The following GLT8D1 variants were observed in gnomAD, a reference collection of about 807,000 sequenced individuals.
GLT8D1 encodes the protein glycosyltransferase 8 domain containing 1.
GLT8D1 carries 41 observed loss-of-function variants against 46.2 expected under a neutral mutation model. That is an observed-to-expected ratio of 0.89 (90% CI 0.69 to 1.15). The LOEUF (loss-of-function observed/expected upper bound fraction) is 1.15. Ranked by LOEUF, GLT8D1 falls within the 50% of genes most tolerant of loss-of-function variation. The pLI, the probability that GLT8D1 is intolerant of heterozygous loss-of-function variation, is 0.00. For missense variants in GLT8D1, 408 were observed against 449.3 expected (o/e 0.91, Z 0.83); for synonymous variants, 150 against 154.2 (o/e 0.97, Z 0.20).
chr3:52,695,077 G>C (rs755036456), intron 9 of GLT8D1, 42 bp from the exon 10 acceptor site: 13 of 1,513,866 alleles, frequency 8.6e-6, no homozygotes, highest in South Asian at 5.6e-5. Flanking sequence ...TGCGCCATGT[G>C]AAATTGTGCA....
At chr3:52,701,236 GAAT>G (rs1336260849) in intron 1 of GLT8D1, 1 of 148,564 alleles carries the variant, frequency 6.7e-6, no homozygotes, top group Non-Finnish European at 1.5e-5. Context: ...TCAGAGAAAA[GAAT>G]ATTATCCAAA....
At chr3:52,696,433 C>T in intron 5 of GLT8D1, 109 bp downstream of exon 5, 1 of 1,010,370 alleles carries the variant, frequency 9.9e-7, no homozygotes, top group Non-Finnish European at 1.6e-6. Flanking sequence ...ACTCTTAGAA[C>T]CACCCAGGCT....
At chr3:52,698,245 AAG>A (rs1170318051) in intron 3 of GLT8D1, among the ~76,000 whole-genome samples, 1 of 152,220 alleles carries the variant, frequency 6.6e-6, no homozygotes, top group Non-Finnish European at 1.5e-5. Flanking sequence ...ATATAATCAA[AAG>A]AAAGAATTTT....
In GLT8D1 at chr3:52,694,822, T is replaced by A. The variant is rs1210697473; in HGVS notation, c.*23A>T. On this transcript the variant is annotated 3_prime_UTR_variant, in exon 10 of 10. Transcript: ENST00000266014. ...TCTTCCAGGACTTCCTGAGAAATGCTTGCTTACAGTTCAAATTCTGTTTCA... is the reference window on the plus strand; with the variant it reads ...TCTTCCAGGACTTCCTGAGAAATGCATGCTTACAGTTCAAATTCTGTTTCA... The A allele has an allele frequency of 1.3e-6, 2 of 1,549,806 alleles. No homozygotes were observed. Among genetic ancestry groups the A allele is most frequent in the South Asian group, 1.1e-5 (1 of 89,764 alleles).
At chr3:52,695,161 A>T in intron 9 of GLT8D1, 29 bp downstream of exon 9, 1 of 1,526,134 alleles carries the variant, frequency 6.6e-7, no homozygotes, top group Non-Finnish European at 9.1e-7. Flanking sequence ...ATTCTTTACT[A>T]GCTTATGCCA....
intron 1 of GLT8D1, chr3:52,704,993 G>A (rs1370012604): frequency 6.6e-6 from 1 of 152,310 alleles, no homozygotes; most frequent in Non-Finnish European, 1.5e-5. Flanking sequence ...CTGGTTGCAT[G>A]AATGAGGACA....
intron 3 of GLT8D1, among the ~76,000 whole-genome samples, chr3:52,699,779 C>A (rs2097337711): frequency 6.6e-6 from 1 of 152,190 alleles, no homozygotes; most frequent in Non-Finnish European, 1.5e-5. Context: ...TCACTCTGGT[C>A]AGCTATGGTG....
At position 52,705,631 on chromosome 3, in the gene GLT8D1, G is replaced by A; in HGVS notation, c.-221C>T. ...CCCGCCCTGCCAGCTCAGCGCCCGCGCCGCAGGCCCCGGAGCCCAGCCCGT... is the reference window on the plus strand; with the variant it reads ...CCCGCCCTGCCAGCTCAGCGCCCGCACCGCAGGCCCCGGAGCCCAGCCCGT... On this transcript the variant is annotated 5_prime_UTR_variant, in exon 1 of 10. Coordinates refer to ENST00000266014, the MANE Select transcript of GLT8D1 (RefSeq NM_018446.4). 1 of 182,386 alleles carries A rather than the reference G, an allele frequency of 5.5e-6. No individual in the cohort carries two copies. Among genetic ancestry groups the A allele is most frequent in the Non-Finnish European group, 1.1e-5 (1 of 91,476 alleles). The allele number at this position is 182,386 out of a possible 1,614,324, so 11.3% of individuals were successfully genotyped here.
At chr3:52,703,693 A>C (rs2097341289) in intron 1 of GLT8D1, 1 of 152,226 alleles carries the variant, frequency 6.6e-6, no homozygotes, top group Non-Finnish European at 1.5e-5. Flanking sequence ...CAAGAGGCAC[A>C]CTTGGCTGGA....
chr3:52,703,114 A>G (rs2097340796), intron 1 of GLT8D1: 1 of 151,222 alleles, frequency 6.6e-6, no homozygotes, highest in Non-Finnish European at 1.5e-5. Flanking sequence ...TATGAAGTAC[A>G]ACGTGTCAGT....
chr3:52,698,550 G>A (rs1320959213), intron 3 of GLT8D1, among the ~76,000 whole-genome samples: 3 of 151,896 alleles, frequency 2.0e-5, no homozygotes. Flanking sequence ...GTGTAGTGGT[G>A]AACACCTGTA....
intron 4 of GLT8D1, chr3:52,697,497 C>T (rs970110949): frequency 3.6e-6 from 2 of 555,466 alleles, no homozygotes; most frequent in Non-Finnish European, 6.5e-6. Flanking sequence ...TTCAGAGTGA[C>T]AGCTGACTTA....
rs2097330924 is a variant in GLT8D1, at chr3:52,694,619, TGTA to T, written c.*223_*225del. The T allele has an allele frequency of 3.3e-6, 2 of 607,638 alleles. No homozygotes were observed. The highest frequency in any genetic ancestry group is 2.8e-5 in the Admixed American group (1 of 35,362). The allele number at this position is 607,638 out of a possible 1,614,324, so 37.6% of individuals were successfully genotyped here. A position where few individuals can be genotyped will look rare whatever the true frequency, so the allele number is the denominator to read the frequency against. On this transcript the variant is annotated 3_prime_UTR_variant, in exon 10 of 10. Transcript: ENST00000266014. ...GTTCTTCTTTCCAGTCATTCAGCAT[TGTA>T]GTAAGAAAACACTTGGTAAGGCAGA...
chr3:52,698,915 T>C (rs1578590426), intron 3 of GLT8D1, among the ~76,000 whole-genome samples: 1 of 152,156 alleles, frequency 6.6e-6, no homozygotes, highest in Non-Finnish European at 1.5e-5. Context: ...AATACACATG[T>C]ATGTACATGT....
rs760451909 is a variant in GLT8D1 at position 52,694,815 on chromosome 3, GA to G, written c.*29del. ...CATGCTATCTTCCAGGACTTCCTGA[GA>G]AATGCTTGCTTACAGTTCAAATTCT... On this transcript the variant is annotated 3_prime_UTR_variant, in exon 10 of 10. Coordinates refer to ENST00000266014, the MANE Select transcript of GLT8D1 (RefSeq NM_018446.4). The G allele has an allele frequency of 6.7e-7, 1 of 1,502,474 alleles. No individual in the cohort carries two copies. Among genetic ancestry groups the G allele is most frequent in the South Asian group, 1.1e-5 (1 of 88,860 alleles). The allele number at this position is 1,502,474 out of a possible 1,614,324, so 93.1% of individuals were successfully genotyped here.
chr3:52,695,864 G>T, intron 7 of GLT8D1, 64 bp downstream of exon 7: 1 of 975,724 alleles, frequency 1.0e-6, no homozygotes, highest in African/African-American at 1.6e-5. Flanking sequence ...AGAGTTCCCT[G>T]AATTTGCAAC....
chr3:52,695,365 G>A (rs1253498234), intron 8 of GLT8D1, 56 bp downstream of exon 8: 14 of 1,577,692 alleles, frequency 8.9e-6, no homozygotes, highest in Non-Finnish European at 1.2e-5. Context: ...TGTTAGTCAA[G>A]ACTCTAGGAA....
rs1449761428 is a variant in GLT8D1 at position 52,698,732 on chromosome 3, TCA to T, written c.116-800_116-799del. Reference sequence around the variant, plus strand: ...AGAATACCAAAGAAAACATAGTGTATCACACAAGGAAACTGCAATTACTGTCC... The same window carrying T: ...AGAATACCAAAGAAAACATAGTGTATCACAAGGAAACTGCAATTACTGTCC... On this transcript the variant is annotated intron_variant, in intron 3 of 9. Transcript: ENST00000266014. Among the ~76,000 whole-genome samples the T allele has an allele frequency of 4.7e-5, 7 of 150,038 alleles. No homozygotes were observed. The East Asian group carries it at 1.4e-3, about 29-fold the overall frequency.
In GLT8D1 at chr3:52,696,238, C is replaced by A; in HGVS notation, c.528G>T (p.Val176=). ...KAIYMDDDVI[V]QGDILALYNT... ...TCATGGTGACATTTTTGATACCTTG[C>A]ACAATTACATCATCATCCATGTATA... is the stretch of plus-strand genomic sequence containing the variant. Residue 176 remains valine (V), a synonymous_variant, in exon 6 of 10, where the codon GTG becomes GTT. Transcript: ENST00000266014. 6.3e-7 allele frequency: 1 copy of A among 1,599,050 alleles called. No homozygotes were observed. The highest frequency in any genetic ancestry group is 1.3e-5 in the African/African-American group (1 of 74,742).
Sources: allele counts gnomAD v4.1 joint callset (sites outside exome capture counted in the v4.1 genomes callset), GRCh38; gene constraint gnomAD v4.1.1; transcripts MANE v1.5; gene names NCBI Gene and HGNC (gene_info 2026-07-23, HGNC 2026-07-21).